Variants in ZFHX4 observed in about 807,000 individuals in gnomAD.
ZFHX4 encodes zinc finger homeobox 4.
Under a neutral mutation model 267.6 loss-of-function variants are expected in ZFHX4, and 56 were observed. That is an observed-to-expected ratio of 0.21 (90% confidence interval 0.17 to 0.26). ZFHX4 has a LOEUF of 0.26. Among genes scored for constraint, ZFHX4 ranks in the 10% least tolerant of loss-of-function variants. The probability of loss-of-function intolerance (pLI) is 1.00; values close to 1 mark genes in which losing one functional copy is unlikely to be tolerated. For synonymous variants in ZFHX4, 1,778 were observed against 1,665.6 expected (o/e 1.07, Z -1.64); for missense variants, 4,332 against 4,420.0 (o/e 0.98, Z 0.56).
chr8:76,805,098 G>T (rs1309231235), intron 4 of ZFHX4, among the ~76,000 whole-genome samples: 1 of 152,094 alleles, frequency 6.6e-6, no homozygotes, highest in Non-Finnish European at 1.5e-5. Flanking sequence ...CTAATCAGTG[G>T]CATACAAGGG....
chr8:76,684,465 A>T (rs928547453), intron 1 of ZFHX4, among the ~76,000 whole-genome samples: 1 of 152,158 alleles, frequency 6.6e-6, no homozygotes, highest in Admixed American at 6.5e-5. Flanking sequence ...CTGTGTTTTT[A>T]TTCAGTTGCT....
Position 76,708,314 on chromosome 8 carries a change from T to C in ZFHX4, c.3093+266T>C, listed in dbSNP as rs1808334760. On this transcript the variant is annotated intron_variant, in intron 3 of 10. Transcript: ENST00000651372. ...CTGGCTTCCCCAAAATAAAAGAATT[T>C]GGGGGATAGTGTTATATATAAAATA... is the stretch of plus-strand genomic sequence containing the variant. 6.2e-6 allele frequency: 3 copies of C among 485,226 alleles called. No individual in the cohort carries two copies. In the South Asian group the frequency reaches 7.2e-5, roughly 12 times the overall value. 30.1% of individuals were successfully genotyped at this position (485,226 alleles called of 1,614,324 possible).
At chr8:76,685,454 A>G (rs1212227399) in intron 1 of ZFHX4, among the ~76,000 whole-genome samples, 1 of 152,240 alleles carries the variant, frequency 6.6e-6, no homozygotes, top group African/African-American at 2.4e-5. Context: ...GACTAAAGAC[A>G]TCCTAAAGAA....
intron 1 of ZFHX4, among the ~76,000 whole-genome samples, chr8:76,695,327 A>G (rs750501829): frequency 1.3e-5 from 2 of 152,252 alleles, no homozygotes; most frequent in Admixed American, 6.5e-5. Context: ...ATACGCATAT[A>G]TGGCCTCTGT....
intron 4 of ZFHX4, among the ~76,000 whole-genome samples, chr8:76,788,957 T>C (rs1262597497): frequency 6.6e-6 from 1 of 152,240 alleles, no homozygotes; most frequent in East Asian, 1.9e-4. Flanking sequence ...AATAAAATAG[T>C]TCATGAAAAC....
At chr8:76,708,260 C>T in intron 3 of ZFHX4, 3 of 612,234 alleles carry the variant, frequency 4.9e-6, no homozygotes, top group Non-Finnish European at 8.3e-6. Context: ...GTCTCACTTA[C>T]ACCTGTCTCA....
intron 1 of ZFHX4, chr8:76,682,956 T>C (rs894704602): frequency 6.6e-6 from 1 of 152,264 alleles, no homozygotes; most frequent in Non-Finnish European, 1.5e-5. Context: ...TGGAATTGTA[T>C]AAAGTTTCTC....
chr8:76,747,566 G>A (rs540292962), intron 3 of ZFHX4, among the ~76,000 whole-genome samples: 82 of 152,178 alleles, frequency 5.4e-4, no homozygotes, highest in African/African-American at 1.1e-3. Context: ...TATACATCAC[G>A]CATCTCTGTC....
intron 5 of ZFHX4, among the ~76,000 whole-genome samples, chr8:76,840,055 T>A (rs1812195104): frequency 6.6e-6 from 1 of 152,206 alleles, no homozygotes; most frequent in Admixed American, 6.5e-5. Context: ...TTTGCATGAT[T>A]AAAAATTTGC....
chr8:76,711,818 T>C (rs1808431917), intron 3 of ZFHX4, among the ~76,000 whole-genome samples: 1 of 152,150 alleles, frequency 6.6e-6, no homozygotes, highest in Admixed American at 6.6e-5. Context: ...CAAATGAAAC[T>C]GGCAATATTT....
intron 3 of ZFHX4, among the ~76,000 whole-genome samples, chr8:76,754,985 C>T (rs950037688): frequency 9.2e-5 from 14 of 152,268 alleles, no homozygotes; most frequent in Non-Finnish European, 1.8e-4. Context: ...TAGATAAGGC[C>T]TATTTACATA....
At chr8:76,858,537 A>G (rs561985081) in intron 10 of ZFHX4, among the ~76,000 whole-genome samples, 1 of 152,340 alleles carries the variant, frequency 6.6e-6, no homozygotes, top group South Asian at 2.1e-4. Flanking sequence ...TTAAACATTA[A>G]CACAGCAGAA....
chr8:76,864,403 G>T lies in ZFHX4; in HGVS notation c.10689G>T (p.Gly3563=), dbSNP rs966765222. The T allele has an allele frequency of 2.5e-6, 4 of 1,613,600 alleles. No individual in the cohort carries two copies. Among genetic ancestry groups the T allele is most frequent in the Non-Finnish European group, 3.4e-6 (4 of 1,179,860 alleles). ...CCTCAAGTTTGTGCAGCACCTCAGGGGTTCAAACCTCACTACCCACAGAAA... is the reference window on the plus strand; with the variant it reads ...CCTCAAGTTTGTGCAGCACCTCAGGTGTTCAAACCTCACTACCCACAGAAA... ...TVTSSLCSTS[G]VQTSLPTESC... is the part of the protein sequence containing the mutation. Residue 3563 remains glycine, a synonymous_variant, in exon 11 of 11, where the codon GGG becomes GGT. Transcript: ENST00000651372.
intron 3 of ZFHX4, among the ~76,000 whole-genome samples, chr8:76,767,919 A>G (rs1212660017): frequency 1.3e-5 from 2 of 152,200 alleles, no homozygotes; most frequent in Non-Finnish European, 2.9e-5. Context: ...GCATGTGTAT[A>G]AATAACTGTA....
At chr8:76,772,654 C>A (rs1337745998) in intron 3 of ZFHX4, among the ~76,000 whole-genome samples, 1 of 152,114 alleles carries the variant, frequency 6.6e-6, no homozygotes, top group African/African-American at 2.4e-5. Flanking sequence ...TGTTTCTGAA[C>A]TAGGAAGGTT....
At chr8:76,777,329 T>C (rs555195235) in intron 3 of ZFHX4, among the ~76,000 whole-genome samples, 32 of 152,276 alleles carry the variant, frequency 2.1e-4, no homozygotes, top group African/African-American at 7.5e-4. Context: ...TTACATGCTG[T>C]GGGCAGAAAT....
At chr8:76,838,887 T>C (rs1812159022) in intron 5 of ZFHX4, among the ~76,000 whole-genome samples, 1 of 152,036 alleles carries the variant, frequency 6.6e-6, no homozygotes, top group Non-Finnish European at 1.5e-5. Flanking sequence ...AGACCTCGTC[T>C]CTACTAAAAA....
At chr8:76,774,617 AAAGCAAATTATCT>A (rs1220597260) in intron 3 of ZFHX4, among the ~76,000 whole-genome samples, 2 of 152,162 alleles carry the variant, frequency 1.3e-5, no homozygotes, top group Non-Finnish European at 2.9e-5. Flanking sequence ...GAGATACTTC[AAAGCAAATTATCT>A]AAACATAGTA....
At chr8:76,856,386 G>T (rs1391692933) in intron 10 of ZFHX4, 86 bp downstream of exon 10, 1 of 1,467,220 alleles carries the variant, frequency 6.8e-7, no homozygotes, top group East Asian at 2.4e-5. Context: ...GGTGCCTTTG[G>T]ATTTCTTTTA....
Sources: gnomAD v4.1 joint callset for allele counts (sites outside exome capture counted in the v4.1 genomes callset) on GRCh38, gnomAD v4.1.1 for gene constraint, MANE v1.5 for transcripts, NCBI Gene and HGNC (gene_info 2026-07-23, HGNC 2026-07-21) for gene names.